Variants in TNKS2 observed in about 807,000 individuals in gnomAD.
TNKS2 encodes poly [ADP-ribose] polymerase tankyrase-2.
TNKS2 carries 72 observed loss-of-function variants against 137.6 expected under a neutral mutation model. That is an observed-to-expected ratio of 0.52 (90% CI 0.43 to 0.64). The LOEUF is 0.64. TNKS2 is among the 30% of genes least tolerant of loss of function. TNKS2 has a pLI of 0.00. For missense variants in TNKS2, 1,049 were observed against 1,410.2 expected (o/e 0.74, Z 4.10); for synonymous variants, 516 against 512.1 (o/e 1.01, Z -0.10).
At chr10:91,861,928 C>T (rs1336333194) in intron 25 of TNKS2, 71 bp from the exon 26 acceptor site, 14 of 1,354,566 alleles carry the variant, frequency 1.0e-5, no homozygotes, top group East Asian at 5.1e-5. Context: ...AAACTTATGC[C>T]GTGTCCACAC....
rs1175563963 is a variant in TNKS2, at chr10:91,851,205, T to A, written c.2695-11T>A. The A allele has an allele frequency of 6.2e-7, 1 of 1,612,918 alleles. No individual in the cohort carries two copies. The highest frequency in any genetic ancestry group is 1.7e-5 in the Admixed American group (1 of 59,826). On this transcript the variant is annotated splice_polypyrimidine_tract_variant and intron_variant, in intron 20 of 26. Coordinates refer to ENST00000371627, the MANE Select transcript of TNKS2 (RefSeq NM_025235.4). ...GTAAGCATTCTAAGTAGTTTCCTCCTCTTTTGTAAGATCACTTTGGATGTA... is the reference window on the plus strand; with the variant it reads ...GTAAGCATTCTAAGTAGTTTCCTCCACTTTTGTAAGATCACTTTGGATGTA...
At chr10:91,859,008 C>T (rs1423828013) in intron 24 of TNKS2, among the ~76,000 whole-genome samples, 8 of 150,638 alleles carry the variant, frequency 5.3e-5, no homozygotes, top group Non-Finnish European at 1.0e-4. Context: ...GACTACATCT[C>T]AAAAAAATTT....
At chr10:91,851,794 GC>G (rs1468965113) in intron 21 of TNKS2, among the ~76,000 whole-genome samples, 1 of 152,142 alleles carries the variant, frequency 6.6e-6, no homozygotes, top group Admixed American at 6.5e-5. Flanking sequence ...ATACTGGAAA[GC>G]AATAATGTTG....
chr10:91,801,391 G>A (rs1288186194), intron 1 of TNKS2, among the ~76,000 whole-genome samples: 1 of 151,814 alleles, frequency 6.6e-6, no homozygotes, highest in Non-Finnish European at 1.5e-5. Flanking sequence ...AATTCCTTAG[G>A]AGAAAAATGA....
At chr10:91,806,957 A>G (rs552082095) in intron 1 of TNKS2, among the ~76,000 whole-genome samples, 42 of 152,226 alleles carry the variant, frequency 2.8e-4, no homozygotes, top group Non-Finnish European at 5.3e-4. Flanking sequence ...AGACAGATGC[A>G]TTTCTTGTTC....
chr10:91,800,850 A>G (rs999641934), intron 1 of TNKS2, among the ~76,000 whole-genome samples: 9 of 152,164 alleles, frequency 5.9e-5, no homozygotes, highest in African/African-American at 2.2e-4. Context: ...GCATCCAGCT[A>G]CCTTTTCACT....
intron 21 of TNKS2, 94 bp downstream of exon 21, chr10:91,851,430 T>A: frequency 5.5e-4 from 483 of 875,426 alleles, no homozygotes; most frequent in Non-Finnish European, 6.9e-4. Context: ...TATGAGAGAA[T>A]CTGTTTAATA....
At chr10:91,802,710 C>T (rs1167732301) in intron 1 of TNKS2, among the ~76,000 whole-genome samples, 2 of 152,240 alleles carry the variant, frequency 1.3e-5, no homozygotes, top group African/African-American at 4.8e-5. Context: ...CTCTCAGTAA[C>T]ATTTTCTTCT....
chr10:91,809,682 AT>A lies in TNKS2; in HGVS notation c.200-3300del, dbSNP rs1236801065. Among the ~76,000 whole-genome samples, 2 of 151,886 alleles carry A rather than the reference AT, an allele frequency of 1.3e-5. 1 individual carries two copies. Among genetic ancestry groups the A allele is most frequent in the South Asian group, 4.1e-4 (2 of 4,822 alleles). ...CTCTGTCTCAAAAAAAAAAAAAAAA[AT>A]CTTAGCCCTTATCATCTGTCACCTA... On this transcript the variant is annotated intron_variant, in intron 1 of 26. Coordinates refer to ENST00000371627, the MANE Select transcript of TNKS2 (RefSeq NM_025235.4).
At position 91,855,114 on chromosome 10, in the gene TNKS2, T is replaced by A. The variant is rs1564629883; in HGVS notation, c.2901T>A (p.Ser967=). The A allele has an allele frequency of 6.2e-7, 1 of 1,604,136 alleles. No individual in the cohort carries two copies. The highest frequency in any genetic ancestry group is 8.5e-7 in the Non-Finnish European group (1 of 1,171,414). The part of the protein sequence containing the change: ...DLSPDDKEFQ[S]VEEEMQSTVR... ...CTCCTGATGATAAAGAGTTTCAGTC[T>A]GTGGAGGAAGAGGTATGTTCATATA... Residue 967 remains serine, a synonymous_variant, in exon 22 of 27, where the codon TCT becomes TCA. Coordinates refer to ENST00000371627, the MANE Select transcript of TNKS2 (RefSeq NM_025235.4).
rs747553731 is a variant in TNKS2 at position 91,863,017 on chromosome 10, C to G, written c.*18C>G. On this transcript the variant is annotated 3_prime_UTR_variant, in exon 27 of 27. Transcript: ENST00000371627. ...ATGGATAAATAGTTATTTTAAGAAA[C>G]TAATTCCACTGAACCTAAAATCATC... 4 of 1,568,304 alleles carry G rather than the reference C, an allele frequency of 2.6e-6. No individual in the cohort carries two copies. The highest frequency in any genetic ancestry group is 3.5e-6 in the Non-Finnish European group (4 of 1,141,536).
chr10:91,822,961 G>A (rs1431024043), intron 7 of TNKS2, among the ~76,000 whole-genome samples: 1 of 150,990 alleles, frequency 6.6e-6, no homozygotes, highest in African/African-American at 2.4e-5. Flanking sequence ...GCTGTGGCAG[G>A]AGAATCGTTT....
At chr10:91,857,316 G>A (rs888440394) in intron 23 of TNKS2, 109 bp from the exon 24 acceptor site, 1 of 545,582 alleles carries the variant, frequency 1.8e-6, no homozygotes, top group African/African-American at 1.9e-5. Context: ...ATATTTCAGA[G>A]TACAGTTTTG....
At position 91,848,549 on chromosome 10, in the gene TNKS2, A is replaced by G. The variant is rs145821862; in HGVS notation, c.2525A>G (p.Asp842Gly). The stretch of plus-strand genomic sequence containing the variant: ...AGCCTTTCTGCAGCCAGCAGTCTTG[A>G]CAACTTATCTGGGAGTTTTTCAGAA... Reference protein sequence around the residue: ...PSSLSAASSLDNLSGSFSELS... With the variant: ...PSSLSAASSLGNLSGSFSELS... The change falls in exon 19 of 27, where the codon GAC becomes GGC. Residue 842 changes from aspartate (D) to glycine (G), a missense_variant. Transcript: ENST00000371627. 1 of 1,614,148 alleles carries G rather than the reference A, an allele frequency of 6.2e-7. No individual in the cohort carries two copies. The highest frequency in any genetic ancestry group is 2.2e-5 in the East Asian group (1 of 44,868).
rs142141397 is a variant in TNKS2, at chr10:91,832,170, G to A, written c.1275+989G>A. On this transcript the variant is annotated intron_variant, in intron 11 of 26. Transcript: ENST00000371627. ...TTGATCTTTCCTATTGTAAATTATTGAATAAAATAAAGTTTATTTCTGCTT... is the reference window on the plus strand; with the variant it reads ...TTGATCTTTCCTATTGTAAATTATTAAATAAAATAAAGTTTATTTCTGCTT... 1.8e-3 allele frequency among the ~76,000 whole-genome samples: 267 copies of A among 152,134 alleles called. 2 individuals are homozygous for A. In the Middle Eastern group the frequency reaches 0.054, roughly 31 times the overall value.
chr10:91,819,578 G>T, intron 5 of TNKS2, 21 bp downstream of exon 5: 2 of 1,550,564 alleles, frequency 1.3e-6, no homozygotes, highest in Non-Finnish European at 1.7e-6. Flanking sequence ...TTGCAACTGA[G>T]TTTGTGCTTA....
intron 1 of TNKS2, among the ~76,000 whole-genome samples, chr10:91,799,642 A>G (rs1844095636): frequency 6.6e-6 from 1 of 152,220 alleles, no homozygotes; most frequent in Admixed American, 6.5e-5. Flanking sequence ...TTATTTTAAT[A>G]TTTATTAGGT....
At chr10:91,850,857 C>T (rs1042378705) in intron 20 of TNKS2, among the ~76,000 whole-genome samples, 5 of 152,164 alleles carry the variant, frequency 3.3e-5, no homozygotes, top group Admixed American at 2.6e-4. Context: ...TAGTGTATTA[C>T]TGTATTAAAG....
chr10:91,849,482 C>A, intron 19 of TNKS2, 30 bp from the exon 20 acceptor site: 1 of 1,545,326 alleles, frequency 6.5e-7, no homozygotes, highest in Non-Finnish European at 8.9e-7. Flanking sequence ...ATGTGAAATT[C>A]CATTTGTTTT....
Sources: gnomAD v4.1 joint callset for allele counts (sites outside exome capture counted in the v4.1 genomes callset) on GRCh38, gnomAD v4.1.1 for gene constraint, MANE v1.5 for transcripts, NCBI Gene and HGNC (gene_info 2026-07-23, HGNC 2026-07-21) for gene names.